UNKL: variants seen among roughly 807,000 people sequenced by gnomAD.
UNKL encodes putative E3 ubiquitin-protein ligase UNKL.
A neutral mutation model predicts 78.0 loss-of-function variants in UNKL; 60 were observed. The observed-to-expected ratio is 0.77, with a 90% confidence interval of 0.63 to 0.95. The LOEUF (loss-of-function observed/expected upper bound fraction) is 0.95. UNKL is among the 40% of genes least tolerant of loss of function. UNKL has a pLI of 0.00. For missense variants in UNKL, 1,159 were observed against 1,045.7 expected (o/e 1.11, Z -1.49); for synonymous variants, 608 against 474.8 (o/e 1.28, Z -3.65).
rs745426583 is a variant in UNKL at position 1,403,151 on chromosome 16, C to A, written c.464+17G>T. The A allele has an allele frequency of 2.5e-6, 4 of 1,600,748 alleles. No homozygotes were observed. Among genetic ancestry groups the A allele is most frequent in the Non-Finnish European group, 2.6e-6 (3 of 1,173,118 alleles). On this transcript the variant is annotated intron_variant, in intron 3 of 14. Transcript: ENST00000389221. This position sits in a 1 kb window ranked among gnomAD's most constrained non-coding sequence, Gnocchi z 4.8. Reference sequence around the variant, plus strand: ...GCAGCAGGCAGGCCAAGTGCCCACTCGTGGATGCCCACTCACCTGACGTCA... The same window carrying A: ...GCAGCAGGCAGGCCAAGTGCCCACTAGTGGATGCCCACTCACCTGACGTCA...
In UNKL at chr16:1,374,710, G is replaced by A. The variant is rs148575331; in HGVS notation, c.1265-3099C>T. Among the ~76,000 whole-genome samples the A allele has an allele frequency of 3.0e-3, 454 of 152,244 alleles. 4 individuals are homozygous for A. The highest frequency in any genetic ancestry group is 0.01 in the African/African-American group (418 of 41,542). On this transcript the variant is annotated intron_variant, in intron 10 of 14. Transcript: ENST00000389221. ...CCCAGCAGGGAGCTGGCTGAGCCAG[G>A]CAGGGCTGACTCGTCAGGACTTGGT...
chr16:1,366,706 C>T (rs1339745143), intron 14 of UNKL, among the ~76,000 whole-genome samples: 1 of 152,214 alleles, frequency 6.6e-6, no homozygotes, highest in Non-Finnish European at 1.5e-5. Context: ...TACGCAGGAC[C>T]CTCTGTCCTA....
chr16:1,404,277 T>C (rs533751081), intron 2 of UNKL, among the ~76,000 whole-genome samples: 1 of 152,180 alleles, frequency 6.6e-6, no homozygotes, highest in East Asian at 1.9e-4. Flanking sequence ...CACCTCCAGC[T>C]CCAACTGGGG....
intron 4 of UNKL, among the ~76,000 whole-genome samples, chr16:1,400,836 C>T (rs993088001): frequency 1.3e-5 from 2 of 152,052 alleles, no homozygotes; most frequent in African/African-American, 4.8e-5. Context: ...TACAGGCGCC[C>T]ACCACCACAA....
Position 1,399,420 on chromosome 16 carries a change from G to T in UNKL, c.688C>A (p.His230Asn). The T allele has an allele frequency of 6.2e-7, 1 of 1,606,286 alleles. No individual in the cohort carries two copies. Residue 230 changes from histidine to asparagine, a missense_variant, in exon 5 of 15, where the codon CAC becomes AAC. Physicochemically the swap from His to Asn is moderately conservative, Grantham distance 68. Transcript: ENST00000389221. This position sits in a 1 kb window ranked among gnomAD's most constrained non-coding sequence, Gnocchi z 5.8. ...TTGCGCCGCCTGTCCCGGCTATTGTGGTAGTGTGGGCACGCATAGCCCTGG... is the reference window on the plus strand; with the variant it reads ...TTGCGCCGCCTGTCCCGGCTATTGTTGTAGTGTGGGCACGCATAGCCCTGG... The part of the protein sequence containing the change: ...CRQGYACPHY[H>N]NSRDRRRNPR...
At chr16:1,402,618 A>G (rs2037578762) in intron 3 of UNKL, among the ~76,000 whole-genome samples, 1 of 151,352 alleles carries the variant, frequency 6.6e-6, no homozygotes, top group South Asian at 2.1e-4. Context: ...AGCCAAGATC[A>G]CGCCACTGCA....
At chr16:1,386,719 A>C (rs2036828137) in intron 9 of UNKL, among the ~76,000 whole-genome samples, 1 of 152,172 alleles carries the variant, frequency 6.6e-6, no homozygotes, top group Non-Finnish European at 1.5e-5. Context: ...GCATTTCCTA[A>C]AGATCAGAAA....
chr16:1,393,069 G>A, intron 7 of UNKL, 93 bp from the exon 8 acceptor site: 1 of 1,301,746 alleles, frequency 7.7e-7, no homozygotes, highest in African/African-American at 1.5e-5. Context: ...GGCCGAGTGT[G>A]CGCAGCCTCG....
chr16:1,383,780 A>G (rs1242910362), intron 10 of UNKL: 1 of 433,866 alleles, frequency 2.3e-6, no homozygotes, highest in Non-Finnish European at 4.8e-6. Context: ...CTGGGGTCCC[A>G]CTCCAAGTCC....
At chr16:1,405,724 G>A (rs560665043) in intron 2 of UNKL, among the ~76,000 whole-genome samples, 25 of 151,984 alleles carry the variant, frequency 1.6e-4, no homozygotes, top group Non-Finnish European at 2.2e-4. Context: ...CGGGGGTCGG[G>A]TGACAAACAC....
At chr16:1,412,342 G>A (rs1171235820) in intron 2 of UNKL, 1 of 152,288 alleles carries the variant, frequency 6.6e-6, no homozygotes, top group East Asian at 1.9e-4. Flanking sequence ...CAGGCGTGGT[G>A]GCTCACGCCT....
chr16:1,378,316 G>A (rs997190576), intron 10 of UNKL, among the ~76,000 whole-genome samples: 3 of 152,248 alleles, frequency 2.0e-5, no homozygotes, highest in African/African-American at 7.2e-5. Flanking sequence ...TTTGCCCATA[G>A]TCAGGTCAGC....
rs542643311 is a variant in UNKL, at chr16:1,387,382, C to T, written c.1087-1997G>A. 6.6e-6 allele frequency among the ~76,000 whole-genome samples: 1 copy of T among 152,310 alleles called. No homozygotes were observed. Among genetic ancestry groups the T allele is most frequent in the East Asian group, 1.9e-4 (1 of 5,184 alleles). Reference sequence around the variant, plus strand: ...CTGGTGCCATCTCAGTGGCAACCCGCCCCCTATCCCTTGCACTTCCTGTCC... The same window carrying T: ...CTGGTGCCATCTCAGTGGCAACCCGTCCCCTATCCCTTGCACTTCCTGTCC... On this transcript the variant is annotated intron_variant, in intron 9 of 14. Coordinates refer to ENST00000389221, the MANE Select transcript of UNKL (RefSeq NM_001372107.1). This position sits in a 1 kb window ranked among gnomAD's most constrained non-coding sequence, Gnocchi z 4.1.
chr16:1,367,534 C>A, intron 13 of UNKL, 122 bp downstream of exon 13: 1 of 978,580 alleles, frequency 1.0e-6, no homozygotes. Context: ...TCACCCCCCA[C>A]ACGCTCACCT....
chr16:1,411,793 C>T (rs2038051104), intron 2 of UNKL: 2 of 152,236 alleles, frequency 1.3e-5, no homozygotes, highest in South Asian at 4.1e-4. Context: ...CCACTGCACT[C>T]CAGCCTGGGT....
Position 1,385,318 on chromosome 16 carries a change from C to G in UNKL, c.1154G>C (p.Ser385Thr), listed in dbSNP as rs1264601105. The G allele has an allele frequency of 7.1e-7, 1 of 1,415,778 alleles. No homozygotes were observed. The highest frequency in any genetic ancestry group is 9.2e-7 in the Non-Finnish European group (1 of 1,089,348). 87.7% of individuals were successfully genotyped at this position (1,415,778 alleles called of 1,614,324 possible). A position where few individuals can be genotyped will look rare whatever the true frequency, so the allele number is the denominator to read the frequency against. Residue 385 changes from serine (S) to threonine (T), a missense_variant, in exon 10 of 15, where the codon AGC becomes ACC. By Grantham distance (58) the Ser-to-Thr change is moderately conservative (BLOSUM62 1). Transcript: ENST00000389221. Reference sequence around the variant, plus strand: ...GCCGGAGCCGGCGCTGGACGCCAGGCTGGACGCCACGCTGGAGCTCACGCT... The same window carrying G: ...GCCGGAGCCGGCGCTGGACGCCAGGGTGGACGCCACGCTGGAGCTCACGCT... ...APSVSSSVAS[S>T]LASSAGSGSS... is the part of the protein sequence containing the mutation.
chr16:1,377,050 T>G (rs2142029941), intron 10 of UNKL, among the ~76,000 whole-genome samples: 1 of 150,380 alleles, frequency 6.6e-6, no homozygotes, highest in South Asian at 2.1e-4. Flanking sequence ...CGAGATAGAG[T>G]CTTGCTCTGT....
intron 6 of UNKL, among the ~76,000 whole-genome samples, chr16:1,395,077 C>T (rs2037203097): frequency 6.6e-6 from 1 of 151,842 alleles, no homozygotes; most frequent in East Asian, 1.9e-4. Flanking sequence ...GGGGTTTCGC[C>T]ATGTTGGCCA....
At chr16:1,402,284 T>C (rs1045735595) in intron 3 of UNKL, among the ~76,000 whole-genome samples, 17 of 151,218 alleles carry the variant, frequency 1.1e-4, no homozygotes, top group African/African-American at 4.2e-4. Flanking sequence ...CAGCAGTGCC[T>C]CACAGCCTCA....
Sources: allele counts gnomAD v4.1 joint callset (sites outside exome capture counted in the v4.1 genomes callset), GRCh38; gene constraint gnomAD v4.1.1; non-coding constraint Gnocchi (gnomAD v3.1); transcripts MANE v1.5; gene names NCBI Gene and HGNC (gene_info 2026-07-23, HGNC 2026-07-21).